CFAP299: variants seen among roughly 807,000 people sequenced by gnomAD.
CFAP299 encodes the protein cilia- and flagella-associated protein 299.
A neutral mutation model predicts 27.0 loss-of-function variants in CFAP299; 21 were observed. The ratio of observed to expected loss-of-function variants is 0.78; its 90% CI spans 0.55 to 1.12. The LOEUF is 1.12. Ranked by LOEUF, CFAP299 falls within the 50% of genes most tolerant of loss-of-function variation. The pLI, the probability that CFAP299 is intolerant of heterozygous loss-of-function variation, is 0.00. For missense variants in CFAP299, 310 were observed against 276.6 expected (o/e 1.12, Z -0.86); for synonymous variants, 104 against 98.1 (o/e 1.06, Z -0.36).
intron 2 of CFAP299, among the ~76,000 whole-genome samples, chr4:80,534,439 A>G (rs151146507): frequency 1.1e-3 from 167 of 151,894 alleles, no homozygotes; most frequent in African/African-American, 3.9e-3. Flanking sequence ...TTGGCAATTT[A>G]TTCTTAGTTA....
chr4:80,905,899 C>G (rs1333104964), intron 4 of CFAP299, among the ~76,000 whole-genome samples: 1 of 152,152 alleles, frequency 6.6e-6, no homozygotes, highest in Non-Finnish European at 1.5e-5. Context: ...CAAATCACAT[C>G]ATTCCACCCT....
intron 1 of CFAP299, among the ~76,000 whole-genome samples, chr4:80,339,295 C>T (rs191403583): frequency 5.3e-5 from 8 of 152,088 alleles, no homozygotes; most frequent in Non-Finnish European, 8.8e-5. Context: ...TAATTTTGCC[C>T]GTATCTTTGT....
At chr4:80,710,354 T>C (rs879908191) in intron 3 of CFAP299, among the ~76,000 whole-genome samples, 1 of 152,028 alleles carries the variant, frequency 6.6e-6, no homozygotes, top group Non-Finnish European at 1.5e-5. Flanking sequence ...AAGACAAGTT[T>C]GTGATTGAAA....
intron 2 of CFAP299, among the ~76,000 whole-genome samples, chr4:80,406,727 C>G (rs1048471183): frequency 1.3e-5 from 2 of 152,132 alleles, no homozygotes. Flanking sequence ...AAAAAAATTT[C>G]AAAGTCCAAT....
At chr4:80,819,224 A>T (rs1277922139) in intron 3 of CFAP299, among the ~76,000 whole-genome samples, 1 of 152,102 alleles carries the variant, frequency 6.6e-6, no homozygotes, top group African/African-American at 2.4e-5. Flanking sequence ...CAACAAATTT[A>T]GAGAGTAGAA....
chr4:80,691,407 G>A (rs1434831921), intron 3 of CFAP299, among the ~76,000 whole-genome samples: 1 of 148,118 alleles, frequency 6.8e-6, no homozygotes, highest in African/African-American at 2.5e-5. Flanking sequence ...ATCAATAAAT[G>A]TAATCCAGCA....
intron 3 of CFAP299, among the ~76,000 whole-genome samples, chr4:80,660,533 C>G (rs9918038): frequency 0.93 from 141,985 of 152,260 alleles, 66,274 homozygotes; most frequent in East Asian, 1. Context: ...GTTTGCAGAT[C>G]AAATGAGATA....
At chr4:80,353,745 A>C (rs1354788695) in intron 1 of CFAP299, among the ~76,000 whole-genome samples, 1 of 152,220 alleles carries the variant, frequency 6.6e-6, no homozygotes, top group East Asian at 1.9e-4. Context: ...TTGAAAGGGC[A>C]GAGAAACTAA....
chr4:80,380,593 A>C (rs145802146), intron 2 of CFAP299, among the ~76,000 whole-genome samples: 1 of 151,802 alleles, frequency 6.6e-6, no homozygotes, highest in African/African-American at 2.4e-5. Context: ...ACACCTGGCT[A>C]ATTTTTTGTA....
intron 4 of CFAP299, among the ~76,000 whole-genome samples, chr4:80,923,762 A>T (rs1736163131): frequency 6.6e-6 from 1 of 151,930 alleles, no homozygotes; most frequent in Admixed American, 6.6e-5. Context: ...GAAATCATGG[A>T]CCTCATTTGA....
intron 3 of CFAP299, among the ~76,000 whole-genome samples, chr4:80,699,034 TA>T (rs1398436629): frequency 1.3e-5 from 2 of 152,180 alleles, no homozygotes; most frequent in Admixed American, 1.3e-4. Flanking sequence ...ACCAAGTGTT[TA>T]ATATTTCTGG....
intron 2 of CFAP299, chr4:80,387,068 G>C (rs1032282178): frequency 3.5e-6 from 5 of 1,430,066 alleles, no homozygotes; most frequent in African/African-American, 1.4e-5. Context: ...GGCAGGGGAA[G>C]TTGTGAGTGG....
chr4:80,757,703 T>G (rs970552195), intron 3 of CFAP299, among the ~76,000 whole-genome samples: 18 of 152,188 alleles, frequency 1.2e-4, no homozygotes, highest in South Asian at 8.3e-4. Context: ...TTTTTGTTTT[T>G]TTTGTTTGTT....
chr4:80,496,301 C>T (rs1164841671), intron 2 of CFAP299, among the ~76,000 whole-genome samples: 1 of 152,200 alleles, frequency 6.6e-6, no homozygotes, highest in Non-Finnish European at 1.5e-5. Flanking sequence ...CACACCACAT[C>T]TTAAACACTT....
intron 4 of CFAP299, among the ~76,000 whole-genome samples, chr4:80,897,939 G>T (rs1734689192): frequency 6.6e-6 from 1 of 152,126 alleles, no homozygotes; most frequent in Non-Finnish European, 1.5e-5. Flanking sequence ...ACCCCTTGCA[G>T]GAGGGAGCAT....
intron 3 of CFAP299, among the ~76,000 whole-genome samples, chr4:80,633,513 C>T (rs938915698): frequency 3.3e-5 from 5 of 152,052 alleles, no homozygotes; most frequent in Non-Finnish European, 2.9e-5. Flanking sequence ...TAAATTACAA[C>T]TTAAAATCAC....
intron 4 of CFAP299, among the ~76,000 whole-genome samples, chr4:80,919,887 C>T (rs559919010): frequency 6.6e-6 from 1 of 152,152 alleles, no homozygotes; most frequent in East Asian, 1.9e-4. Flanking sequence ...GGCTTTGCCC[C>T]CAGTATATAT....
intron 3 of CFAP299, among the ~76,000 whole-genome samples, chr4:80,650,497 G>C (rs548276485): frequency 1.3e-5 from 2 of 151,996 alleles, no homozygotes; most frequent in South Asian, 4.2e-4. Context: ...TATCCTATTT[G>C]ATGTGTCAGA....
chr4:80,688,243 A>G (rs986970880), intron 3 of CFAP299, among the ~76,000 whole-genome samples: 1 of 152,236 alleles, frequency 6.6e-6, no homozygotes, highest in African/African-American at 2.4e-5. Flanking sequence ...GGCAGGGCAC[A>G]GACAAACAAA....
Sources: gnomAD v4.1 joint callset for allele counts (sites outside exome capture counted in the v4.1 genomes callset) on GRCh38, gnomAD v4.1.1 for gene constraint, MANE v1.5 for transcripts, NCBI Gene and HGNC (gene_info 2026-07-23, HGNC 2026-07-21) for gene names.